The following MAML3 variants were observed in gnomAD, a reference collection of about 807,000 sequenced individuals.
MAML3 encodes mastermind like transcriptional coactivator 3, also known as mastermind-like protein 3.
Under a neutral mutation model 101.9 loss-of-function variants are expected in MAML3, and 27 were observed. That is an observed-to-expected ratio of 0.27 (90% CI 0.20 to 0.37). The LOEUF (loss-of-function observed/expected upper bound fraction) is 0.37, where lower values mean the gene tolerates loss of function less well. Ranked by LOEUF, MAML3 falls within the 10% of genes least tolerant of loss-of-function variation. The pLI is 1.00. For missense variants in MAML3, 1,316 were observed against 1,444.9 expected, an observed-to-expected ratio of 0.91 and a Z score of 1.45; for synonymous variants, 501 against 555.9, an observed-to-expected ratio of 0.90 and a Z score of 1.39.
chr4:139,735,102 C>A lies in MAML3; in HGVS notation c.2080-4435G>T, dbSNP rs1728882397. 6.6e-6 allele frequency among the ~76,000 whole-genome samples: 1 copy of A among 152,208 alleles called. No homozygotes were observed. The highest frequency in any genetic ancestry group is 6.5e-5 in the Admixed American group (1 of 15,290). On this transcript the variant is annotated intron_variant, in intron 2 of 4. Coordinates refer to ENST00000509479, the MANE Select transcript of MAML3 (RefSeq NM_018717.5). This position sits in a 1 kb window ranked among gnomAD's most constrained non-coding sequence, Gnocchi z 5.8. ...CCCCCGCCCCGCGCGTCTGGGCGAG[C>A]GCTGCGAACGTGGAGCCAGGCAGTC... is the stretch of plus-strand genomic sequence containing the variant.
At chr4:139,953,893 T>A (rs748629216) in intron 1 of MAML3, among the ~76,000 whole-genome samples, 7 of 152,224 alleles carry the variant, frequency 4.6e-5, no homozygotes, top group Non-Finnish European at 1.0e-4. Flanking sequence ...AGGAGGCTGA[T>A]AGCAGAGAGG....
At chr4:140,071,616 A>G (rs1031563991) in intron 1 of MAML3, among the ~76,000 whole-genome samples, 3 of 151,574 alleles carry the variant, frequency 2.0e-5, no homozygotes, top group African/African-American at 7.3e-5. Flanking sequence ...AAATCCCTTC[A>G]TTTCTTAGAC....
chr4:140,029,655 CATCT>C (rs1361481933), intron 1 of MAML3, among the ~76,000 whole-genome samples: 2 of 152,112 alleles, frequency 1.3e-5, no homozygotes, highest in Non-Finnish European at 2.9e-5. Flanking sequence ...ATAAATATTA[CATCT>C]ATCATTTCAA....
chr4:139,818,771 C>A (rs1730930129), intron 2 of MAML3, among the ~76,000 whole-genome samples: 1 of 152,036 alleles, frequency 6.6e-6, no homozygotes, highest in South Asian at 2.1e-4. Context: ...AAGCAAATAC[C>A]CCAAAACATT....
intron 1 of MAML3, among the ~76,000 whole-genome samples, chr4:140,005,903 A>C (rs1419831969): frequency 6.6e-6 from 1 of 152,248 alleles, no homozygotes; most frequent in Non-Finnish European, 1.5e-5. Flanking sequence ...CTCTCAAATC[A>C]TCTCACCCAA....
chr4:139,982,664 A>C (rs1318501473), intron 1 of MAML3, among the ~76,000 whole-genome samples: 1 of 152,210 alleles, frequency 6.6e-6, no homozygotes, highest in Non-Finnish European at 1.5e-5. Context: ...TCCTATACAC[A>C]AAAGTATCTA....
intron 1 of MAML3, among the ~76,000 whole-genome samples, chr4:139,915,421 T>C (rs1733008202): frequency 6.6e-6 from 1 of 152,208 alleles, no homozygotes; most frequent in Non-Finnish European, 1.5e-5. Context: ...CTCAGAATGA[T>C]GAGGTTAGCT....
Position 140,152,868 on chromosome 4 carries a change from G to C in MAML3, c.460C>G (p.Leu154Val), listed in dbSNP as rs1449155817. The change falls in exon 1 of 5, where the codon CTG (leucine) becomes GTG (valine). Residue 154 changes from leucine (L) to valine (V), a missense_variant. Transcript: ENST00000509479. ...AASAEQRNHT[L>V]IMLQETVKRK... ...TGCCCGTGCGCCCTCACCATGATCA[G>C]CGTGTGGTTCCTCTGCTCCGCCGAG... 1 of 1,610,520 alleles carries C rather than the reference G, an allele frequency of 6.2e-7. No individual in the cohort carries two copies. The highest frequency in any genetic ancestry group is 1.3e-5 in the African/African-American group (1 of 74,738).
Position 139,780,065 on chromosome 4 carries a change from A to G in MAML3, c.2080-49398T>C, listed in dbSNP as rs141566312. Among the ~76,000 whole-genome samples the G allele has an allele frequency of 6.0e-3, 921 of 152,358 alleles. 7 individuals are homozygous for G. Among genetic ancestry groups the G allele is most frequent in the African/African-American group, 0.021 (873 of 41,578 alleles). On this transcript the variant is annotated intron_variant, in intron 2 of 4. Coordinates refer to ENST00000509479, the MANE Select transcript of MAML3 (RefSeq NM_018717.5). Reference sequence around the variant, plus strand: ...TATGAAGACCATGTAACCTAGAGCCATGCTGTCCGAGGCGGTACCCACTAT... The same window carrying G: ...TATGAAGACCATGTAACCTAGAGCCGTGCTGTCCGAGGCGGTACCCACTAT...
At chr4:140,059,119 T>C (rs1727401835) in intron 1 of MAML3, among the ~76,000 whole-genome samples, 1 of 152,196 alleles carries the variant, frequency 6.6e-6, no homozygotes, top group East Asian at 1.9e-4. Context: ...TTATTTCTAC[T>C]GGAGCTTTAC....
At chr4:140,112,039 C>G (rs989747026) in intron 1 of MAML3, among the ~76,000 whole-genome samples, 5 of 152,166 alleles carry the variant, frequency 3.3e-5, no homozygotes, top group Admixed American at 1.3e-4. Flanking sequence ...CACATTAACA[C>G]AGAAATAATG....
chr4:140,125,446 T>G (rs1205245788), intron 1 of MAML3, among the ~76,000 whole-genome samples: 1 of 152,124 alleles, frequency 6.6e-6, no homozygotes, highest in Non-Finnish European at 1.5e-5. Context: ...TTTAAAAAAG[T>G]AATTTCAAAA....
chr4:139,790,976 A>G (rs1349191105), intron 2 of MAML3, among the ~76,000 whole-genome samples: 1 of 152,232 alleles, frequency 6.6e-6, no homozygotes, highest in Non-Finnish European at 1.5e-5. Context: ...AGAAGAGATG[A>G]TATCATTTAA....
At chr4:139,771,749 G>A (rs916795935) in intron 2 of MAML3, among the ~76,000 whole-genome samples, 10 of 152,024 alleles carry the variant, frequency 6.6e-5, no homozygotes, top group Admixed American at 1.3e-4. Flanking sequence ...TAATCCAGAG[G>A]GACCACCTGT....
rs567682486 is a variant in MAML3, at chr4:140,111,895, C to A, written c.468+40965G>T. On this transcript the variant is annotated intron_variant, in intron 1 of 4. Transcript: ENST00000509479. ...GCCATGTCAGTGGCCCCAACCCTCACCCTTGCCCTCCTCAGTAGTTCTTTG... is the reference window on the plus strand; with the variant it reads ...GCCATGTCAGTGGCCCCAACCCTCAACCTTGCCCTCCTCAGTAGTTCTTTG... 7.2e-5 allele frequency among the ~76,000 whole-genome samples: 11 copies of A among 152,336 alleles called. No individual in the cohort carries two copies. The East Asian group carries it at 1.9e-3, about 27-fold the overall frequency.
chr4:140,045,261 G>A (rs1727162704), intron 1 of MAML3, among the ~76,000 whole-genome samples: 1 of 152,066 alleles, frequency 6.6e-6, no homozygotes, highest in Admixed American at 6.5e-5. Flanking sequence ...TGGGCATGGT[G>A]GCAGGTGCCT....
At chr4:140,082,972 G>A (rs1022079837) in intron 1 of MAML3, among the ~76,000 whole-genome samples, 2 of 151,980 alleles carry the variant, frequency 1.3e-5, no homozygotes, top group Non-Finnish European at 2.9e-5. Flanking sequence ...AACCGCTCAG[G>A]GTGTGCTATT....
chr4:140,026,115 T>G (rs1016041600), intron 1 of MAML3, among the ~76,000 whole-genome samples: 10 of 152,208 alleles, frequency 6.6e-5, no homozygotes, highest in South Asian at 2.1e-4. Flanking sequence ...CTCGATTTTT[T>G]TTTCCAAGAA....
intron 2 of MAML3, among the ~76,000 whole-genome samples, chr4:139,791,913 T>G (rs944667813): frequency 6.6e-6 from 1 of 152,212 alleles, no homozygotes; most frequent in Non-Finnish European, 1.5e-5. Context: ...AACAGCCCAC[T>G]GCAGACAGGT....
Sources: gnomAD v4.1 joint callset for allele counts (sites outside exome capture counted in the v4.1 genomes callset) on GRCh38, gnomAD v4.1.1 for gene constraint, Gnocchi (gnomAD v3.1) non-coding constraint, MANE v1.5 for transcripts, NCBI Gene and HGNC (gene_info 2026-07-23, HGNC 2026-07-21) for gene names.